AGAP1: variants seen among roughly 807,000 people sequenced by gnomAD.
The protein encoded by AGAP1 is ArfGAP with GTPase domain, ankyrin repeat and PH domain 1, also known as arf-GAP with GTPase, ANK repeat and PH domain-containing protein 1.
A neutral mutation model predicts 105.3 loss-of-function variants in AGAP1; 29 were observed. The ratio of observed to expected loss-of-function variants is 0.28; its 90% CI spans 0.21 to 0.38. The LOEUF (loss-of-function observed/expected upper bound fraction) is 0.38. Ranked by LOEUF, AGAP1 falls within the 10% of genes least tolerant of loss-of-function variation. AGAP1 has a pLI of 1.00. For missense variants in AGAP1, 998 were observed against 1,165.1 expected (o/e 0.86, Z 2.09); for synonymous variants, 509 against 485.9 (o/e 1.05, Z -0.63).
chr2:235,565,566 GCT>G, intron 1 of AGAP1, among the ~76,000 whole-genome samples: 1 of 152,318 alleles, frequency 6.6e-6, no homozygotes, highest in Non-Finnish European at 1.5e-5. Flanking sequence ...TTATGAAGGT[GCT>G]TTACCTCATT....
Position 235,874,621 on chromosome 2 carries a change from T to C in AGAP1, c.1051-8724T>C, listed in dbSNP as rs1204193305. ...GTGAGCTCAAGATTCTGTGCAGGCC[T>C]CACTTGGATCAGCTGCTCCTGTCCT... On this transcript the variant is annotated intron_variant, in intron 9 of 17. Coordinates refer to ENST00000304032, the MANE Select transcript of AGAP1 (RefSeq NM_001037131.3). The surrounding 1 kb of genome is among the most constrained non-coding windows in gnomAD (Gnocchi z 4.5). Among the ~76,000 whole-genome samples the C allele has an allele frequency of 6.6e-6, 1 of 152,198 alleles. No homozygotes were observed. Among genetic ancestry groups the C allele is most frequent in the African/African-American group, 2.4e-5 (1 of 41,460 alleles).
rs2051087766 is a variant in AGAP1 at position 235,901,970 on chromosome 2, CAAAG to C, written c.1156-6764_1156-6761del. The stretch of plus-strand genomic sequence containing the variant: ...ATATTCATCATGTTAGAAATTCAAA[CAAAG>C]AAAATATGTAATCCATTTAAAATAA... On this transcript the variant is annotated intron_variant, in intron 10 of 17. Transcript: ENST00000304032. This position sits in a 1 kb window ranked among gnomAD's most constrained non-coding sequence, Gnocchi z 4.3. Among the ~76,000 whole-genome samples the C allele has an allele frequency of 1.3e-5, 2 of 151,728 alleles. No homozygotes were observed. The highest frequency in any genetic ancestry group is 1.3e-4 in the Admixed American group (2 of 15,232).
chr2:235,630,555 C>T (rs867821708), intron 1 of AGAP1, among the ~76,000 whole-genome samples: 4 of 152,152 alleles, frequency 2.6e-5, no homozygotes, highest in Non-Finnish European at 5.9e-5. Context: ...GGGTTTGTAG[C>T]CTTATTAACA....
chr2:235,991,484 A>C (rs2055561199), intron 13 of AGAP1, among the ~76,000 whole-genome samples: 1 of 152,210 alleles, frequency 6.6e-6, no homozygotes, highest in South Asian at 2.1e-4. Context: ...CTGAGGTGGG[A>C]AGGTCGCTTG....
chr2:236,054,793 G>T (rs570034916), intron 16 of AGAP1, among the ~76,000 whole-genome samples: 3 of 152,098 alleles, frequency 2.0e-5, no homozygotes, highest in African/African-American at 7.2e-5. Context: ...GGAAGCGGAG[G>T]TTATCTTACC....
chr2:235,500,069 G>A (rs1195262745), intron 1 of AGAP1, among the ~76,000 whole-genome samples: 1 of 152,140 alleles, frequency 6.6e-6, no homozygotes, highest in Admixed American at 6.5e-5. Context: ...GTCATGTGGT[G>A]TTTGGGATGG....
chr2:235,813,609 C>A (rs1213451003), intron 9 of AGAP1, among the ~76,000 whole-genome samples: 1 of 152,246 alleles, frequency 6.6e-6, no homozygotes, highest in Non-Finnish European at 1.5e-5. Flanking sequence ...GCATGGGCTC[C>A]GATCCCACAG....
intron 1 of AGAP1, among the ~76,000 whole-genome samples, chr2:235,528,862 A>G (rs1454044150): frequency 1.1e-5 from 1 of 91,380 alleles, no homozygotes; most frequent in Admixed American, 1.3e-4. Flanking sequence ...TTTTTAGTAC[A>G]GATGGGATTT....
At chr2:235,844,962 C>T (rs973797619) in intron 9 of AGAP1, among the ~76,000 whole-genome samples, 1 of 152,184 alleles carries the variant, frequency 6.6e-6, no homozygotes, top group Non-Finnish European at 1.5e-5. Flanking sequence ...CCGCCTCCCC[C>T]ACTAGACTCT....
intron 12 of AGAP1, among the ~76,000 whole-genome samples, chr2:235,933,601 C>T (rs184161432): frequency 1.0e-3 from 158 of 151,692 alleles, no homozygotes; most frequent in African/African-American, 1.1e-3. Context: ...GGCGCGACCC[C>T]GGCTCACTGC....
intron 3 of AGAP1, among the ~76,000 whole-genome samples, chr2:235,731,680 C>G (rs1419894849): frequency 2.6e-5 from 4 of 152,040 alleles, no homozygotes; most frequent in African/African-American, 9.7e-5. Flanking sequence ...AGCAGTCATT[C>G]GTTAATTTTT....
chr2:235,921,850 C>T (rs1205592712), intron 11 of AGAP1, among the ~76,000 whole-genome samples: 1 of 152,184 alleles, frequency 6.6e-6, no homozygotes, highest in Non-Finnish European at 1.5e-5. Flanking sequence ...ATCCTCTCAG[C>T]CTGAAATTCC....
At chr2:236,054,537 CTT>C (rs1248314499) in intron 16 of AGAP1, among the ~76,000 whole-genome samples, 1 of 149,484 alleles carries the variant, frequency 6.7e-6, no homozygotes, top group Non-Finnish European at 1.5e-5. Context: ...AAAAAAAGGA[CTT>C]TGCCGCGATG....
chr2:236,091,508 C>T (rs1370955208), intron 16 of AGAP1, among the ~76,000 whole-genome samples: 1 of 152,224 alleles, frequency 6.6e-6, no homozygotes, highest in Non-Finnish European at 1.5e-5. Flanking sequence ...CGGTGGCTCA[C>T]TCCTGTAATC....
intron 16 of AGAP1, among the ~76,000 whole-genome samples, chr2:236,093,809 C>G (rs2059123784): frequency 1.3e-5 from 2 of 151,928 alleles, no homozygotes. Flanking sequence ...AATCACAATC[C>G]CAAAAAATCA....
Position 235,971,523 on chromosome 2 carries a change from A to G in AGAP1, c.1645+2900A>G, listed in dbSNP as rs2125360289. Among the ~76,000 whole-genome samples the G allele has an allele frequency of 6.6e-6, 1 of 152,014 alleles. No individual in the cohort carries two copies. The highest frequency in any genetic ancestry group is 2.4e-5 in the African/African-American group (1 of 41,498). On this transcript the variant is annotated intron_variant, in intron 13 of 17. Transcript: ENST00000304032. This position sits in a 1 kb window ranked among gnomAD's most constrained non-coding sequence, Gnocchi z 4.8. ...AGACCATCCTGGCTAACACAATGAA[A>G]CCCCGTCTCTACTAAAAATACAAAA...
intron 1 of AGAP1, among the ~76,000 whole-genome samples, chr2:235,624,712 T>C (rs1946585560): frequency 6.6e-6 from 1 of 152,102 alleles, no homozygotes; most frequent in African/African-American, 2.4e-5. Context: ...GTTTGGAAGT[T>C]TGTCCCCTTC....
chr2:235,543,826 A>G (rs1184746068), intron 1 of AGAP1, among the ~76,000 whole-genome samples: 2 of 152,158 alleles, frequency 1.3e-5, no homozygotes, highest in Admixed American at 6.5e-5. Flanking sequence ...CACTGGCCCT[A>G]GGGGCTGTAC....
chr2:235,833,974 A>G (rs1458269355), intron 9 of AGAP1, among the ~76,000 whole-genome samples: 2 of 147,488 alleles, frequency 1.4e-5, no homozygotes, highest in Non-Finnish European at 3.0e-5. Flanking sequence ...AAAAAAAGCC[A>G]GTAGCAGCAC....
Sources: allele counts gnomAD v4.1 joint callset (sites outside exome capture counted in the v4.1 genomes callset), GRCh38; gene constraint gnomAD v4.1.1; non-coding constraint Gnocchi (gnomAD v3.1); transcripts MANE v1.5; gene names NCBI Gene and HGNC (gene_info 2026-07-23, HGNC 2026-07-21).